The following LOC400499 variants were observed in gnomAD, a reference collection of about 807,000 sequenced individuals.
the LOC400499 span, chr16:11,440,696 G>C: frequency 2.8e-5 from 11 of 398,956 alleles, no homozygotes; most frequent in African/African-American, 6.2e-5. Context: ...GCCTCCCTCG[G>C]CAAGGGAGCA....
the LOC400499 span, chr16:11,372,309 G>C: frequency 6.6e-6 from 1 of 152,282 alleles, no homozygotes; most frequent in Non-Finnish European, 1.5e-5. Context: ...CCAGTACCAA[G>C]CAGCTGAGGA....
the LOC400499 span, among the ~76,000 whole-genome samples, chr16:11,485,824 T>A: frequency 6.6e-6 from 1 of 152,094 alleles, no homozygotes; most frequent in African/African-American, 2.4e-5. Context: ...GATGGATGGA[T>A]AATAGATGGA....
the LOC400499 span, among the ~76,000 whole-genome samples, chr16:11,478,247 C>G: frequency 2.2e-4 from 33 of 149,742 alleles, no homozygotes; most frequent in Admixed American, 2.1e-3. Flanking sequence ...AGGCTGGTCT[C>G]AAACTCCTGA....
the LOC400499 span, chr16:11,387,413 T>G: frequency 3.7e-6 from 3 of 810,360 alleles, no homozygotes; most frequent in Middle Eastern, 4.2e-4. Context: ...TGAGGGTGCC[T>G]TTCAGGGAGG....
chr16:11,505,415 A>C, the LOC400499 span, among the ~76,000 whole-genome samples: 1 of 94,364 alleles, frequency 1.1e-5, no homozygotes, highest in South Asian at 3.3e-4. Flanking sequence ...AATATAATTC[A>C]TTTTATTTGA....
At chr16:11,501,771 T>C in the LOC400499 span, among the ~76,000 whole-genome samples, 5 of 152,088 alleles carry the variant, frequency 3.3e-5, no homozygotes, top group Non-Finnish European at 7.4e-5. Flanking sequence ...TGCATTGGAA[T>C]GCTAATTCCA....
At chr16:11,446,657 C>T in the LOC400499 span, 80 of 1,535,534 alleles carry the variant, frequency 5.2e-5, no homozygotes, top group Admixed American at 2.0e-4. Context: ...CAACCACATA[C>T]ATGTACACAC....
chr16:11,404,662 A>G, the LOC400499 span: 1 of 398,954 alleles, frequency 2.5e-6, no homozygotes, highest in Non-Finnish European at 4.4e-6. Context: ...TGATTTCTTG[A>G]GTGACTGGGC....
At chr16:11,477,195 G>A in the LOC400499 span, among the ~76,000 whole-genome samples, 1 of 152,234 alleles carries the variant, frequency 6.6e-6, no homozygotes, top group African/African-American at 2.4e-5. Context: ...CTGGGACAAA[G>A]CATGTGGCTG....
the LOC400499 span, chr16:11,450,894 G>C: frequency 1.5e-6 from 2 of 1,340,160 alleles, no homozygotes; most frequent in Non-Finnish European, 1.0e-6. Context: ...TGGAGGTCCC[G>C]AGAGTCTCAT....
At chr16:11,481,022 T>G in the LOC400499 span, among the ~76,000 whole-genome samples, 2 of 152,200 alleles carry the variant, frequency 1.3e-5, no homozygotes, top group African/African-American at 4.8e-5. Context: ...TTGACCTTAG[T>G]TAGGAATGGA....
the LOC400499 span, chr16:11,413,029 G>A: frequency 7.5e-6 from 3 of 398,256 alleles, no homozygotes; most frequent in Non-Finnish European, 1.3e-5. Context: ...GGGGACCCCA[G>A]CCGAGCTCTA....
At chr16:11,453,498 G>C in the LOC400499 span, among the ~76,000 whole-genome samples, 8,035 of 152,120 alleles carry the variant, frequency 0.053, 772 homozygotes, top group African/African-American at 0.18. Context: ...TATACTCTAA[G>C]AGAAGACAAT....
chr16:11,485,867 G>A, the LOC400499 span, among the ~76,000 whole-genome samples: 3 of 152,168 alleles, frequency 2.0e-5, no homozygotes, highest in Non-Finnish European at 2.9e-5. Flanking sequence ...ATGGATGAGT[G>A]GGAAAACAGA....
the LOC400499 span, chr16:11,443,240 C>T: frequency 9.8e-6 from 3 of 305,004 alleles, no homozygotes; most frequent in African/African-American, 4.8e-5. Flanking sequence ...AGGAGAATCA[C>T]TTGAACCCAG....
chr16:11,414,245 T>A, the LOC400499 span: 148 of 398,786 alleles, frequency 3.7e-4, 3 homozygotes, highest in East Asian at 5.2e-3. Context: ...GGCCTGGTCC[T>A]CCCCACCCAC....
chr16:11,388,918 C>T, the LOC400499 span, among the ~76,000 whole-genome samples: 1 of 152,008 alleles, frequency 6.6e-6, no homozygotes, highest in African/African-American at 2.4e-5. Context: ...GAAACCCCGT[C>T]TCTACTAAAA....
At chr16:11,393,782 T>C in the LOC400499 span, among the ~76,000 whole-genome samples, 1 of 151,936 alleles carries the variant, frequency 6.6e-6, no homozygotes, top group Non-Finnish European at 1.5e-5. Context: ...GAAAGCACTT[T>C]TGAAAATACT....
the LOC400499 span, among the ~76,000 whole-genome samples, chr16:11,395,870 C>A: frequency 1.3e-5 from 2 of 152,124 alleles, no homozygotes; most frequent in Non-Finnish European, 1.5e-5. Flanking sequence ...CAAAAACCAC[C>A]CTGTGAAATA....
Sources: allele counts gnomAD v4.1 joint callset (sites outside exome capture counted in the v4.1 genomes callset), GRCh38; gene constraint gnomAD v4.1.1; transcripts MANE v1.5.